Variants in NPY observed in about 807,000 individuals in gnomAD.
The protein encoded by NPY is pro-neuropeptide Y.
NPY carries 11 observed loss-of-function variants against 13.2 expected under a neutral mutation model. The observed-to-expected ratio is 0.83, with a 90% confidence interval of 0.52 to 1.38. The LOEUF (loss-of-function observed/expected upper bound fraction) is 1.38, where lower values mean the gene tolerates loss of function less well. Among genes scored for constraint, NPY ranks in the 40% most tolerant of loss-of-function variants. NPY has a pLI of 0.00. For missense variants in NPY, 109 were observed against 125.1 expected (o/e 0.87, Z 0.61); for synonymous variants, 51 against 55.6 (o/e 0.92, Z 0.37).
Position 24,291,585 on chromosome 7 carries a change from T to A in NPY, c.270-78T>A, listed in dbSNP as rs947836910. 3.9e-6 allele frequency: 6 copies of A among 1,528,002 alleles called. No homozygotes were observed. In the Admixed American group the frequency reaches 8.9e-5, roughly 23 times the overall value. 94.7% of individuals were successfully genotyped at this position (1,528,002 alleles called of 1,614,324 possible). A position where few individuals can be genotyped will look rare whatever the true frequency, so the allele number is the denominator to read the frequency against. ...GTTCCCGGTCATCTTTCACTTCAGA[T>A]CTAAATGTCTCACCCTTGCTCATAC... On this transcript the variant is annotated intron_variant, in intron 3 of 3. Transcript: ENST00000242152.
chr7:24,286,219 G>A (rs1014122779), intron 2 of NPY, among the ~76,000 whole-genome samples: 6 of 152,116 alleles, frequency 3.9e-5, no homozygotes, highest in East Asian at 1.9e-4. Context: ...TGAACATTCC[G>A]AAAGTCAAAA....
At chr7:24,290,539 C>G (rs1362590531) in intron 3 of NPY, among the ~76,000 whole-genome samples, 3 of 151,988 alleles carry the variant, frequency 2.0e-5, no homozygotes, top group African/African-American at 7.3e-5. Context: ...GCTGGGCCAC[C>G]CACCTTCCCT....
chr7:24,284,429 G>A (rs541002361), intron 1 of NPY, among the ~76,000 whole-genome samples, 154 bp downstream of exon 1: 1 of 152,288 alleles, frequency 6.6e-6, no homozygotes, highest in South Asian at 2.1e-4. Context: ...GCCCCGACGC[G>A]GACCAGCCCT....
rs1372152020 is a variant in NPY at position 24,285,148 on chromosome 7, C to T, written c.1-93C>T. On this transcript the variant is annotated intron_variant, in intron 1 of 3. Transcript: ENST00000242152. The surrounding 1 kb of genome is among the most constrained non-coding windows in gnomAD (Gnocchi z 4.9). Reference sequence around the variant, plus strand: ...GCGGATTGGGGGTCGCGTGTGGTAGCAGGAGGAGGAGCGCGGGGGGCAGAG... The same window carrying T: ...GCGGATTGGGGGTCGCGTGTGGTAGTAGGAGGAGGAGCGCGGGGGGCAGAG... 6 of 1,317,894 alleles carry T rather than the reference C, an allele frequency of 4.6e-6. No homozygotes were observed. The highest frequency in any genetic ancestry group is 2.3e-5 in the East Asian group (1 of 43,422). The allele number at this position is 1,317,894 out of a possible 1,614,324, so 81.6% of individuals were successfully genotyped here.
chr7:24,285,030 G>T lies in NPY; in HGVS notation c.1-211G>T. 1.7e-6 allele frequency: 1 copy of T among 593,126 alleles called. No individual in the cohort carries two copies. The highest frequency in any genetic ancestry group is 3.0e-6 in the Non-Finnish European group (1 of 333,374). 36.7% of individuals were successfully genotyped at this position (593,126 alleles called of 1,614,324 possible). A position where few individuals can be genotyped will look rare whatever the true frequency, so the allele number is the denominator to read the frequency against. On this transcript the variant is annotated intron_variant, in intron 1 of 3. Transcript: ENST00000242152. This position sits in a 1 kb window ranked among gnomAD's most constrained non-coding sequence, Gnocchi z 4.9. ...ACGAAGTTGCGCGAAGTTTTCAGGT[G>T]GAGCAGAGGGGCAGGTCCCGACCGG...
chr7:24,286,223 G>A (rs539050530), intron 2 of NPY, among the ~76,000 whole-genome samples: 1 of 152,304 alleles, frequency 6.6e-6, no homozygotes, highest in Admixed American at 6.5e-5. Flanking sequence ...CATTCCGAAA[G>A]TCAAAATGAA....
At chr7:24,290,775 A>AATAATAATAATTATTATTATTATT (rs10701264) in intron 3 of NPY, among the ~76,000 whole-genome samples, 253 of 129,608 alleles carry the variant, frequency 2.0e-3, no homozygotes, top group Middle Eastern at 7.6e-3. Flanking sequence ...TAATAATAAT[A>AATAATAATAATTATTATTATTATT]ATTATTATTA....
intron 3 of NPY, 52 bp from the exon 4 acceptor site, chr7:24,291,611 C>T: frequency 6.2e-7 from 1 of 1,610,180 alleles, no homozygotes; most frequent in Non-Finnish European, 8.5e-7. Flanking sequence ...TTGCTCATAC[C>T]TCAGGAAGTT....
Position 24,291,777 on chromosome 7 carries a change from T to C in NPY, c.*90T>C. 2.1e-6 allele frequency: 3 copies of C among 1,400,844 alleles called. No homozygotes were observed. Among genetic ancestry groups the C allele is most frequent in the Non-Finnish European group, 3.0e-6 (3 of 987,528 alleles). The allele number at this position is 1,400,844 out of a possible 1,614,324, so 86.8% of individuals were successfully genotyped here. On this transcript the variant is annotated 3_prime_UTR_variant, in exon 4 of 4. Coordinates refer to ENST00000242152, the MANE Select transcript of NPY (RefSeq NM_000905.4). ...AGAATCCACCCATCCTACCAATGCA[T>C]GCAGCCACTGTGCTGAATTCTGCAA... is the stretch of plus-strand genomic sequence containing the variant.
rs899750635 is a variant in NPY at position 24,285,806 on chromosome 7, A to G, written c.188+378A>G. On this transcript the variant is annotated intron_variant, in intron 2 of 3. Coordinates refer to ENST00000242152, the MANE Select transcript of NPY (RefSeq NM_000905.4). This position sits in a 1 kb window ranked among gnomAD's most constrained non-coding sequence, Gnocchi z 4.9. ...GCGCCAGAGAAATGCTGTAGGGGGA[A>G]ACGCTAGCAAGGTGTCTAGGAGAAA... 6.6e-6 allele frequency among the ~76,000 whole-genome samples: 1 copy of G among 152,176 alleles called. No homozygotes were observed. Among genetic ancestry groups the G allele is most frequent in the African/African-American group, 2.4e-5 (1 of 41,440 alleles).
chr7:24,291,436 C>A (rs1455776638), intron 3 of NPY, among the ~76,000 whole-genome samples: 1 of 152,110 alleles, frequency 6.6e-6, no homozygotes, highest in East Asian at 1.9e-4. Context: ...TGATGTTTGC[C>A]CAAGACGCCT....
At position 24,285,216 on chromosome 7, in the gene NPY, T is replaced by G; in HGVS notation, c.1-25T>G. ...TGGGTGCTCTGAATCCCCAAGCCCG[T>G]CCGTTGAGCCTTCTGTGCCTGCAGA... is the stretch of plus-strand genomic sequence containing the variant. On this transcript the variant is annotated intron_variant, in intron 1 of 3. Coordinates refer to ENST00000242152, the MANE Select transcript of NPY (RefSeq NM_000905.4). The surrounding 1 kb of genome is among the most constrained non-coding windows in gnomAD (Gnocchi z 4.9). The G allele has an allele frequency of 1.9e-6, 3 of 1,613,554 alleles. No individual in the cohort carries two copies. The highest frequency in any genetic ancestry group is 2.5e-6 in the Non-Finnish European group (3 of 1,179,676).
At chr7:24,291,627 G>T (rs746883952) in intron 3 of NPY, 36 bp from the exon 4 acceptor site, 1 of 1,613,608 alleles carries the variant, frequency 6.2e-7, no homozygotes, top group African/African-American at 1.3e-5. Flanking sequence ...AAGTTGGGCA[G>T]CTTTCCTTAC....
intron 2 of NPY, 63 bp from the exon 3 acceptor site, chr7:24,289,436 C>A: frequency 8.7e-7 from 1 of 1,155,440 alleles, no homozygotes; most frequent in Non-Finnish European, 1.3e-6. Flanking sequence ...AGACTATCTT[C>A]CTTTTTCCTA....
In NPY at chr7:24,285,511, TTTC is replaced by T; in HGVS notation, c.188+86_188+88del. 2.2e-6 allele frequency: 3 copies of T among 1,387,036 alleles called. No homozygotes were observed. Among genetic ancestry groups the T allele is most frequent in the Non-Finnish European group, 2.0e-6 (2 of 1,011,156 alleles). 85.9% of individuals were successfully genotyped at this position (1,387,036 alleles called of 1,614,324 possible). ...CTGGGGATGTTAGGGAAAGGGATTG[TTTC>T]TTTTCCTTCGCTCTATCCCAGGGCA... On this transcript the variant is annotated intron_variant, in intron 2 of 3. Transcript: ENST00000242152. The surrounding 1 kb of genome is among the most constrained non-coding windows in gnomAD (Gnocchi z 4.9).
rs574265959 is a variant in NPY at position 24,288,957 on chromosome 7, A to G, written c.189-542A>G. On this transcript the variant is annotated intron_variant, in intron 2 of 3. Transcript: ENST00000242152. ...TGTTCACAAAGACTCTGATTTAAGC[A>G]GGGGTTGTTTTACAAACGAGAAAAT... Among the ~76,000 whole-genome samples, 9 of 152,306 alleles carry G rather than the reference A, an allele frequency of 5.9e-5. No homozygotes were observed. In the East Asian group the frequency reaches 1.7e-3, roughly 29 times the overall value.
At position 24,285,088 on chromosome 7, in the gene NPY, C is replaced by A; in HGVS notation, c.1-153C>A. 2.6e-6 allele frequency: 2 copies of A among 780,472 alleles called. No individual in the cohort carries two copies. The highest frequency in any genetic ancestry group is 4.2e-6 in the Non-Finnish European group (2 of 473,968). 48.3% of individuals were successfully genotyped at this position (780,472 alleles called of 1,614,324 possible). A position where few individuals can be genotyped will look rare whatever the true frequency, so the allele number is the denominator to read the frequency against. On this transcript the variant is annotated intron_variant, in intron 1 of 3. Transcript: ENST00000242152. This position sits in a 1 kb window ranked among gnomAD's most constrained non-coding sequence, Gnocchi z 4.9. The stretch of plus-strand genomic sequence containing the variant: ...CCGGAGCCCGCAAGGTGGTGCTAGC[C>A]ACTCCTGGGTTCTCTCTGCGGGACT...
intron 3 of NPY, among the ~76,000 whole-genome samples, chr7:24,290,162 G>A (rs553949896): frequency 3.3e-5 from 5 of 152,294 alleles, no homozygotes; most frequent in African/African-American, 1.2e-4. Context: ...GAGTTTATCT[G>A]TAGTCTCAGG....
rs1342515812 is a variant in NPY, at chr7:24,285,648, C to T, written c.188+220C>T. On this transcript the variant is annotated intron_variant, in intron 2 of 3. Coordinates refer to ENST00000242152, the MANE Select transcript of NPY (RefSeq NM_000905.4). The surrounding 1 kb of genome is among the most constrained non-coding windows in gnomAD (Gnocchi z 4.9). ...GCAACTACAGTCACAGAGTCGTGAT[C>T]CCCAGATTCAGGTTCCCCAGGCTGG... 6.6e-6 allele frequency among the ~76,000 whole-genome samples: 1 copy of T among 152,118 alleles called. No homozygotes were observed. The highest frequency in any genetic ancestry group is 1.5e-5 in the Non-Finnish European group (1 of 68,022).
Sources: allele counts gnomAD v4.1 joint callset (sites outside exome capture counted in the v4.1 genomes callset), GRCh38; gene constraint gnomAD v4.1.1; non-coding constraint Gnocchi (gnomAD v3.1); transcripts MANE v1.5; gene names NCBI Gene and HGNC (gene_info 2026-07-23, HGNC 2026-07-21).